SPATA13: variants seen among roughly 807,000 people sequenced by gnomAD.
The protein encoded by SPATA13 is spermatogenesis associated 13.
A neutral mutation model predicts 104.0 loss-of-function variants in SPATA13; 50 were observed. That is an observed-to-expected ratio of 0.48 (90% CI 0.38 to 0.61). The LOEUF (loss-of-function observed/expected upper bound fraction) is 0.61. Ranked by LOEUF, SPATA13 falls within the 20% of genes least tolerant of loss-of-function variation. The probability of loss-of-function intolerance (pLI) is 0.00; values close to 1 mark genes in which losing one functional copy is unlikely to be tolerated. For missense variants in SPATA13, 1,524 were observed against 1,690.6 expected, an observed-to-expected ratio of 0.90 and a Z score of 1.73; for synonymous variants, 606 against 667.5, an observed-to-expected ratio of 0.91 and a Z score of 1.42.
At chr13:24,090,917 C>A (rs1368913561) in intron 3 of SPATA13, among the ~76,000 whole-genome samples, 2 of 152,216 alleles carry the variant, frequency 1.3e-5, no homozygotes, top group African/African-American at 4.8e-5. Flanking sequence ...TCCCTCCTCT[C>A]TCGGATTTTT....
At position 24,286,338 on chromosome 13, in the gene SPATA13, G is replaced by A. The variant is rs774505967; in HGVS notation, c.2426G>A (p.Trp809Ter). 5.6e-6 allele frequency: 9 copies of A among 1,613,280 alleles called. No homozygotes were observed. The change falls in exon 6 of 13, where the codon TGG becomes TAG. Residue 809 changes from tryptophan to a stop codon, truncating the protein, a stop_gained. Transcript: ENST00000382108. LOFTEE classifies it high-confidence loss of function. The surrounding 1 kb of genome is among the most constrained non-coding windows in gnomAD (Gnocchi z 4.9). Reference protein sequence around the residue: ...IQVLEASNKDWWWGRSEDKEA... With the variant: ...IQVLEASNKD The stretch of plus-strand genomic sequence containing the variant: ...GTTCTGGAAGCCTCCAACAAGGACT[G>A]GTGGTGGGGCCGCAGTGAAGATAAG...
At chr13:24,275,307 C>T (rs1874898538) in intron 4 of SPATA13, among the ~76,000 whole-genome samples, 3 of 152,130 alleles carry the variant, frequency 2.0e-5, no homozygotes. Flanking sequence ...ATCAGGGGCC[C>T]CCAGAGGGCA....
intron 3 of SPATA13, among the ~76,000 whole-genome samples, chr13:24,140,233 G>A (rs9553200): frequency 0.13 from 19,098 of 152,128 alleles, 2,102 homozygotes; most frequent in East Asian, 0.55. Flanking sequence ...AGTCGTTTAG[G>A]TTAAAGTTCA....
At chr13:24,294,666 C>T (rs1876626924) in intron 9 of SPATA13, 73 bp from the exon 10 acceptor site, 1 of 1,489,924 alleles carries the variant, frequency 6.7e-7, no homozygotes, top group Admixed American at 1.9e-5. Flanking sequence ...AGAAGCGCCC[C>T]AGTGGATTAT....
At chr13:24,207,808 C>T (rs572853440) in intron 1 of SPATA13, among the ~76,000 whole-genome samples, 21 of 152,312 alleles carry the variant, frequency 1.4e-4, no homozygotes, top group East Asian at 9.6e-4. Context: ...GGGAGGCAGT[C>T]GCAGTGGATT....
chr13:24,076,313 G>A (rs554900284), intron 3 of SPATA13, among the ~76,000 whole-genome samples: 4 of 152,128 alleles, frequency 2.6e-5, no homozygotes, highest in Non-Finnish European at 4.4e-5. Flanking sequence ...CCAGGTTATA[G>A]CCCCGTGCCT....
intron 2 of SPATA13, among the ~76,000 whole-genome samples, chr13:24,016,944 G>T (rs1007080614): frequency 6.6e-6 from 1 of 152,238 alleles, no homozygotes; most frequent in Non-Finnish European, 1.5e-5. Flanking sequence ...GAATGACAGT[G>T]GATGGTGGAG....
Position 24,305,547 on chromosome 13 carries a change from C to T in SPATA13, c.*2774C>T, listed in dbSNP as rs1268381234. On this transcript the variant is annotated 3_prime_UTR_variant, in exon 13 of 13. Transcript: ENST00000382108. ...TCTCATCTTCCATTTGCCAAACTTC[C>T]TTCCTGATTTGAGTCACGTGTTCCA... The T allele has an allele frequency of 6.6e-6, 1 of 152,198 alleles. No homozygotes were observed. Among genetic ancestry groups the T allele is most frequent in the African/African-American group, 2.4e-5 (1 of 41,448 alleles). The allele number at this position is 152,198 out of a possible 1,614,324, so 9.4% of individuals were successfully genotyped here.
intron 3 of SPATA13, among the ~76,000 whole-genome samples, chr13:24,053,363 C>T (rs1878429725): frequency 6.6e-6 from 1 of 152,170 alleles, no homozygotes; most frequent in Non-Finnish European, 1.5e-5. Context: ...AACTTCTCAA[C>T]CACTCATTCC....
chr13:23,980,699 C>G (rs1246924534), intron 1 of SPATA13, among the ~76,000 whole-genome samples: 1 of 152,136 alleles, frequency 6.6e-6, no homozygotes, highest in Non-Finnish European at 1.5e-5. Flanking sequence ...TCAAGCGATT[C>G]TCCTGCCTCA....
chr13:24,017,560 A>G (rs4770550), intron 2 of SPATA13: 328,578 of 359,750 alleles, frequency 0.91, 150,508 homozygotes, highest in Middle Eastern at 0.96. Context: ...TTTTGTTTAC[A>G]TATATTTTTT....
intron 3 of SPATA13, among the ~76,000 whole-genome samples, chr13:24,105,999 G>A (rs146629560): frequency 5.3e-5 from 8 of 152,278 alleles, no homozygotes; most frequent in South Asian, 2.1e-4. Flanking sequence ...CGTTTCTGTC[G>A]TTTAAGCTAC....
intron 3 of SPATA13, among the ~76,000 whole-genome samples, chr13:24,133,044 T>TA (rs1209996368): frequency 6.6e-6 from 1 of 152,106 alleles, no homozygotes; most frequent in African/African-American, 2.4e-5. Flanking sequence ...CTGGAGATGA[T>TA]ATGACAGTTG....
chr13:24,022,037 T>C, intron 3 of SPATA13, among the ~76,000 whole-genome samples: 1 of 146,244 alleles, frequency 6.8e-6, no homozygotes, highest in African/African-American at 2.5e-5. Context: ...TAATGTTTCT[T>C]TTCTCTTTTC....
At chr13:24,070,986 C>A (rs1370028154) in intron 3 of SPATA13, among the ~76,000 whole-genome samples, 2 of 152,158 alleles carry the variant, frequency 1.3e-5, no homozygotes, top group African/African-American at 4.8e-5. Flanking sequence ...AGGTCCTTCC[C>A]TTTATGTATA....
At chr13:24,189,507 AT>A (rs1370885297) in intron 1 of SPATA13, among the ~76,000 whole-genome samples, 1 of 138,732 alleles carries the variant, frequency 7.2e-6, no homozygotes, top group Non-Finnish European at 1.5e-5. Flanking sequence ...GTATATATAT[AT>A]ATAATATATT....
chr13:24,003,978 C>A (rs142911784), intron 2 of SPATA13, among the ~76,000 whole-genome samples: 12 of 152,298 alleles, frequency 7.9e-5, no homozygotes, highest in Non-Finnish European at 1.2e-4. Flanking sequence ...GCTTCATATA[C>A]ATACACACAG....
chr13:24,234,869 A>C (rs1872489538), intron 2 of SPATA13, among the ~76,000 whole-genome samples: 1 of 152,180 alleles, frequency 6.6e-6, no homozygotes, highest in Non-Finnish European at 1.5e-5. Flanking sequence ...GGTGTAAGGT[A>C]GTTGGGCCTT....
chr13:24,259,289 C>G (rs145806731), intron 4 of SPATA13, among the ~76,000 whole-genome samples: 121 of 152,368 alleles, frequency 7.9e-4, no homozygotes, highest in Middle Eastern at 3.4e-3. Context: ...GGGGGCAGAG[C>G]AAGGGGCTTC....
Sources: allele counts gnomAD v4.1 joint callset (sites outside exome capture counted in the v4.1 genomes callset), GRCh38; gene constraint gnomAD v4.1.1; non-coding constraint Gnocchi (gnomAD v3.1); transcripts MANE v1.5; gene names NCBI Gene and HGNC (gene_info 2026-07-23, HGNC 2026-07-21).